ZNF385D: variants seen among roughly 807,000 people sequenced by gnomAD.
The protein encoded by ZNF385D is zinc finger protein 659.
In ZNF385D, 15 loss-of-function variants were observed where a neutral mutation model predicts 35.8. The ratio of observed to expected loss-of-function variants is 0.42; its 90% CI spans 0.28 to 0.64. The LOEUF is 0.64. ZNF385D is among the 30% of genes least tolerant of loss of function. The pLI, the probability that ZNF385D is intolerant of heterozygous loss-of-function variation, is 0.23. For synonymous variants in ZNF385D, 212 were observed against 186.8 expected (o/e 1.13, Z -1.10); for missense variants, 474 against 494.6 (o/e 0.96, Z 0.39).
At chr3:22,343,484 G>A (rs1264389186) in intron 2 of ZNF385D, among the ~76,000 whole-genome samples, 1 of 152,204 alleles carries the variant, frequency 6.6e-6, no homozygotes, top group Non-Finnish European at 1.5e-5. Context: ...AATTCCCCTG[G>A]TGGGACTACC....
intron 1 of ZNF385D, among the ~76,000 whole-genome samples, chr3:21,707,412 T>C (rs1195296253): frequency 6.6e-6 from 1 of 152,188 alleles, no homozygotes; most frequent in Non-Finnish European, 1.5e-5. Flanking sequence ...AGTGTTAGGA[T>C]CATTACCAGG....
At chr3:22,138,983 C>T (rs1211221762) in intron 3 of ZNF385D, among the ~76,000 whole-genome samples, 2 of 152,132 alleles carry the variant, frequency 1.3e-5, no homozygotes, top group African/African-American at 2.4e-5. Flanking sequence ...AAAAAACAAA[C>T]AACCCCATCA....
intron 3 of ZNF385D, among the ~76,000 whole-genome samples, chr3:22,003,594 C>G (rs1040292088): frequency 6.6e-6 from 1 of 152,084 alleles, no homozygotes; most frequent in African/African-American, 2.4e-5. Context: ...TGGCCAGGTA[C>G]AGTAGCTCAC....
chr3:22,227,390 G>A (rs1698625072), intron 2 of ZNF385D, among the ~76,000 whole-genome samples: 1 of 152,176 alleles, frequency 6.6e-6, no homozygotes, highest in African/African-American at 2.4e-5. Context: ...TCATTTCAGA[G>A]AGGGTCCTAC....
At chr3:21,599,173 C>T (rs1029866557) in intron 2 of ZNF385D, among the ~76,000 whole-genome samples, 4 of 152,158 alleles carry the variant, frequency 2.6e-5, no homozygotes, top group Admixed American at 6.5e-5. Flanking sequence ...CCAGTCCTCT[C>T]GGCAAACAGA....
At chr3:21,945,171 T>G (rs575521892) in intron 3 of ZNF385D, among the ~76,000 whole-genome samples, 2 of 150,862 alleles carry the variant, frequency 1.3e-5, no homozygotes, top group African/African-American at 4.9e-5. Flanking sequence ...CACATATATA[T>G]ATAGTGAGAG....
rs577261398 is a variant in ZNF385D, at chr3:21,964,653, C to A, written c.325+204164G>T. Among the ~76,000 whole-genome samples the A allele has an allele frequency of 5.6e-4, 85 of 151,674 alleles. 1 individual carries two copies. The highest frequency in any genetic ancestry group is 2.0e-3 in the African/African-American group (81 of 41,394). On this transcript the variant is annotated intron_variant, in intron 3 of 5. Transcript: ENST00000494108. ...TACAGGTGCCTGCCACCATGCCCTGCTAATTTTTTTGTATTTTTAGTAGAG... is the reference window on the plus strand; with the variant it reads ...TACAGGTGCCTGCCACCATGCCCTGATAATTTTTTTGTATTTTTAGTAGAG...
At chr3:21,530,669 C>T (rs541979252) in intron 3 of ZNF385D, among the ~76,000 whole-genome samples, 126 of 151,820 alleles carry the variant, frequency 8.3e-4, no homozygotes, top group Admixed American at 1.7e-3. Context: ...AGTTTTTTTT[C>T]GTTGATGTGT....
At chr3:22,182,380 T>C (rs1035601194) in intron 2 of ZNF385D, among the ~76,000 whole-genome samples, 1 of 152,110 alleles carries the variant, frequency 6.6e-6, no homozygotes, top group Non-Finnish European at 1.5e-5. Flanking sequence ...TGAGTAAAAG[T>C]TGAAAGAAAT....
intron 3 of ZNF385D, among the ~76,000 whole-genome samples, chr3:22,064,864 T>C (rs1699852715): frequency 6.6e-6 from 1 of 152,220 alleles, no homozygotes; most frequent in African/African-American, 2.4e-5. Context: ...AGTGATCTAT[T>C]GCACAGCATG....
chr3:21,447,361 A>AC (rs1464854853), intron 4 of ZNF385D, among the ~76,000 whole-genome samples: 2 of 151,786 alleles, frequency 1.3e-5, no homozygotes, highest in Middle Eastern at 6.8e-3. Context: ...CAGAATGAAA[A>AC]AAAAGCCCTC....
At chr3:21,944,015 C>T (rs779988107) in intron 3 of ZNF385D, among the ~76,000 whole-genome samples, 1 of 152,154 alleles carries the variant, frequency 6.6e-6, no homozygotes, top group Non-Finnish European at 1.5e-5. Flanking sequence ...AGAATGAAGC[C>T]AGATGCTAAG....
chr3:22,031,762 G>T (rs951518666), intron 3 of ZNF385D, among the ~76,000 whole-genome samples: 4 of 152,204 alleles, frequency 2.6e-5, no homozygotes, highest in African/African-American at 9.7e-5. Flanking sequence ...TTTCAACCCA[G>T]AAAATGGGTT....
chr3:22,119,300 A>G (rs1254407227), intron 3 of ZNF385D, among the ~76,000 whole-genome samples: 1 of 152,180 alleles, frequency 6.6e-6, no homozygotes, highest in Non-Finnish European at 1.5e-5. Context: ...TGTTAAATAA[A>G]AATACAAGGC....
intron 2 of ZNF385D, among the ~76,000 whole-genome samples, chr3:21,653,081 C>T (rs1229912466): frequency 1.3e-5 from 2 of 152,132 alleles, no homozygotes; most frequent in Non-Finnish European, 2.9e-5. Flanking sequence ...CTCCCTCTCT[C>T]TCTCCTGCTT....
chr3:22,226,641 T>C (rs1277081401), intron 2 of ZNF385D, among the ~76,000 whole-genome samples: 1 of 152,218 alleles, frequency 6.6e-6, no homozygotes, highest in Admixed American at 6.5e-5. Flanking sequence ...TTTGCTATGA[T>C]ATTCTTTCCC....
chr3:21,722,991 C>T (rs1002821995), intron 1 of ZNF385D, among the ~76,000 whole-genome samples: 2 of 152,166 alleles, frequency 1.3e-5, no homozygotes, highest in African/African-American at 2.4e-5. Flanking sequence ...TATTTGTCAC[C>T]CAGCCATGTG....
intron 2 of ZNF385D, among the ~76,000 whole-genome samples, chr3:22,204,979 CAAAAAAAAAA>C (rs761954306): frequency 3.2e-5 from 3 of 92,966 alleles, no homozygotes; most frequent in Non-Finnish European, 6.3e-5. Context: ...TGACCAAATC[CAAAAAAAAAA>C]AAAAAAAAAA....
chr3:21,826,952 T>C (rs1261977762), intron 3 of ZNF385D, among the ~76,000 whole-genome samples: 2 of 152,148 alleles, frequency 1.3e-5, no homozygotes, highest in South Asian at 2.1e-4. Context: ...CAGAGCTTGG[T>C]TCTGCCATCT....
Sources: allele counts gnomAD v4.1 joint callset (sites outside exome capture counted in the v4.1 genomes callset), GRCh38; gene constraint gnomAD v4.1.1; transcripts MANE v1.5; gene names NCBI Gene and HGNC (gene_info 2026-07-23, HGNC 2026-07-21).